SEH1L: variants seen among roughly 807,000 people sequenced by gnomAD.
SEH1L encodes the protein SEH1 like nucleoporin.
A neutral mutation model predicts 49.5 loss-of-function variants in SEH1L; 18 were observed. The observed-to-expected ratio is 0.36, with a 90% CI of 0.25 to 0.54. SEH1L has a LOEUF of 0.54. SEH1L is among the 20% of genes least tolerant of loss of function. The pLI, the probability that SEH1L is intolerant of heterozygous loss-of-function variation, is 0.87. For missense variants in SEH1L, 404 were observed against 528.8 expected, an observed-to-expected ratio of 0.76 and a Z score of 2.31; for synonymous variants, 169 against 178.1, an observed-to-expected ratio of 0.95 and a Z score of 0.41.
chr18:12,960,325 A>G (rs925965320), intron 3 of SEH1L, among the ~76,000 whole-genome samples: 1 of 152,258 alleles, frequency 6.6e-6, no homozygotes, highest in Non-Finnish European at 1.5e-5. Context: ...TCAGTCATTA[A>G]AAAATGTTAG....
At position 12,982,518 on chromosome 18, in the gene SEH1L, G is replaced by A; in HGVS notation, c.762G>A (p.Arg254=). The change falls in exon 7 of 9, where the codon AGG becomes AGA. Residue 254 remains arginine (R), a splice_region_variant and synonymous_variant. Coordinates refer to ENST00000399892, the MANE Select transcript of SEH1L (RefSeq NM_001013437.2). ...CTCAGAAAATGTTTTTTATTAACAG[G>A]AAAGAACTGACTTCCTCTGGTGGGC... The part of the protein sequence containing the change: ...DVRIFTLKPV[R]KELTSSGGPT... 3.1e-6 allele frequency: 5 copies of A among 1,606,738 alleles called. No individual in the cohort carries two copies. Among genetic ancestry groups the A allele is most frequent in the Non-Finnish European group, 4.2e-6 (5 of 1,177,498 alleles).
intron 1 of SEH1L, chr18:12,948,563 G>C (rs2030272343): frequency 9.4e-6 from 2 of 211,910 alleles, no homozygotes; most frequent in African/African-American, 4.6e-5. Context: ...CGGCGTCGTG[G>C]GTCTTGCCCG....
intron 3 of SEH1L, among the ~76,000 whole-genome samples, chr18:12,958,885 C>T (rs968883226): frequency 2.6e-5 from 4 of 152,190 alleles, no homozygotes; most frequent in African/African-American, 7.2e-5. Flanking sequence ...ATTGCTGGCT[C>T]ATATGGTAGT....
chr18:12,967,236 T>C (rs2145634059), intron 4 of SEH1L, among the ~76,000 whole-genome samples: 1 of 152,348 alleles, frequency 6.6e-6, no homozygotes, highest in South Asian at 2.1e-4. Flanking sequence ...AACTGATCAG[T>C]GTATAACCTT....
intron 3 of SEH1L, among the ~76,000 whole-genome samples, chr18:12,961,476 C>T (rs1428643210): frequency 6.6e-6 from 1 of 152,214 alleles, no homozygotes. Context: ...TCATGTCTGA[C>T]TACCTACTGT....
At chr18:12,975,682 T>C in intron 5 of SEH1L, 1 of 985,286 alleles carries the variant, frequency 1.0e-6, no homozygotes, top group Non-Finnish European at 1.2e-6. Context: ...CTGGCAGCAT[T>C]TGGACTTTTG....
At chr18:12,981,827 C>T (rs11661908) in intron 6 of SEH1L, among the ~76,000 whole-genome samples, 55,044 of 129,714 alleles carry the variant, frequency 0.42, 11,471 homozygotes, top group Middle Eastern at 0.5. Flanking sequence ...TTCTTTCATT[C>T]TTTCCTACTT....
At chr18:12,948,741 C>G (rs1404206053) in intron 1 of SEH1L, 1 of 153,046 alleles carries the variant, frequency 6.5e-6, no homozygotes, top group Non-Finnish European at 1.5e-5. Context: ...AAATACAAAC[C>G]ATTTACATCC....
At position 12,978,901 on chromosome 18, in the gene SEH1L, T is replaced by A; in HGVS notation, c.761+9T>A. ...ACATTAAAGCCTGTGAGGTGAGTTT[T>A]AGAAGCATTTATGAATTTGAAAATA... On this transcript the variant is annotated intron_variant, in intron 6 of 8. Coordinates refer to ENST00000399892, the MANE Select transcript of SEH1L (RefSeq NM_001013437.2). The A allele has an allele frequency of 6.2e-7, 1 of 1,612,542 alleles. No individual in the cohort carries two copies. The highest frequency in any genetic ancestry group is 8.5e-7 in the Non-Finnish European group (1 of 1,179,134).
intron 4 of SEH1L, among the ~76,000 whole-genome samples, chr18:12,967,845 T>A (rs1436190732): frequency 6.6e-6 from 1 of 150,902 alleles, no homozygotes; most frequent in South Asian, 2.1e-4. Context: ...ACTTCGGAGA[T>A]GAAGGTTGCA....
chr18:12,980,084 G>A, intron 6 of SEH1L, among the ~76,000 whole-genome samples: 1 of 32,156 alleles, frequency 3.1e-5, no homozygotes, highest in Non-Finnish European at 4.8e-5. Flanking sequence ...GCGGGGGGCT[G>A]ACCCCCCCCC....
At chr18:12,950,182 C>T (rs964780016) in intron 1 of SEH1L, among the ~76,000 whole-genome samples, 28 of 151,908 alleles carry the variant, frequency 1.8e-4, no homozygotes, top group African/African-American at 6.5e-4. Context: ...TACGAGTGCA[C>T]GCCACCACGC....
intron 6 of SEH1L, among the ~76,000 whole-genome samples, chr18:12,981,121 G>C (rs1036236095): frequency 3.9e-5 from 6 of 152,032 alleles, no homozygotes; most frequent in African/African-American, 1.4e-4. Flanking sequence ...GCCGGGCAGA[G>C]ATGCTCCCCA....
chr18:12,964,574 TAATA>T (rs1258503835), intron 4 of SEH1L: 1 of 151,602 alleles, frequency 6.6e-6, no homozygotes, highest in Non-Finnish European at 1.5e-5. Flanking sequence ...TAATTTCAAA[TAATA>T]TATATATCTC....
At chr18:12,980,077 G>A (rs1247809165) in intron 6 of SEH1L, among the ~76,000 whole-genome samples, 1 of 68,216 alleles carries the variant, frequency 1.5e-5, no homozygotes, top group African/African-American at 9.9e-5. Context: ...TGGCCGGGCG[G>A]GGGGCTGACC....
rs554420085 is a variant in SEH1L, at chr18:12,952,105, T to A, written c.162+200T>A. ...AAGAAAATCTGTAATTCTGTAGCAT[T>A]CTAACATAATTATCTTAGTAATTCA... On this transcript the variant is annotated intron_variant, in intron 2 of 8. Coordinates refer to ENST00000399892, the MANE Select transcript of SEH1L (RefSeq NM_001013437.2). 2.0e-5 allele frequency among the ~76,000 whole-genome samples: 3 copies of A among 152,278 alleles called. No individual in the cohort carries two copies. The East Asian group carries it at 5.8e-4, about 29-fold the overall frequency.
At chr18:12,978,161 G>C (rs902545512) in intron 5 of SEH1L, 1 of 152,240 alleles carries the variant, frequency 6.6e-6, no homozygotes, top group African/African-American at 2.4e-5. Context: ...TTATTAAAGC[G>C]TTTCGAGCTA....
chr18:12,949,288 G>C (rs557931191), intron 1 of SEH1L, among the ~76,000 whole-genome samples: 168 of 152,106 alleles, frequency 1.1e-3, no homozygotes, highest in African/African-American at 3.8e-3. Context: ...AGAGTAACTG[G>C]AAATCTGAAG....
intron 3 of SEH1L, among the ~76,000 whole-genome samples, chr18:12,962,401 A>G (rs1405239277): frequency 1.3e-5 from 2 of 148,518 alleles, no homozygotes; most frequent in Non-Finnish European, 3.0e-5. Context: ...TAATAATAAT[A>G]GTGGTCCAAA....
Sources: gnomAD v4.1 joint callset for allele counts (sites outside exome capture counted in the v4.1 genomes callset) on GRCh38, gnomAD v4.1.1 for gene constraint, MANE v1.5 for transcripts, NCBI Gene and HGNC (gene_info 2026-07-23, HGNC 2026-07-21) for gene names.